CSMD1: variants seen among roughly 807,000 people sequenced by gnomAD.
CSMD1 encodes the protein CUB and sushi domain-containing protein 1.
Under a neutral mutation model 417.5 loss-of-function variants are expected in CSMD1, and 213 were observed. That is an observed-to-expected ratio of 0.51 (90% confidence interval 0.46 to 0.57). The LOEUF is 0.57. CSMD1 is among the 20% of genes least tolerant of loss of function. The pLI, the probability that CSMD1 is intolerant of heterozygous loss-of-function variation, is 0.00. For synonymous variants in CSMD1, 2,862 were observed against 1,736.8 expected (o/e 1.65, Z -16.11); for missense variants, 6,923 against 4,529.7 (o/e 1.53, Z -15.17).
intron 19 of CSMD1, among the ~76,000 whole-genome samples, chr8:3,368,518 T>C (rs13259848): frequency 0.24 from 36,066 of 152,070 alleles, 4,386 homozygotes; most frequent in African/African-American, 0.3. Flanking sequence ...TTTGTATTTT[T>C]AGTAGAGACA....
intron 57 of CSMD1, among the ~76,000 whole-genome samples, chr8:2,972,900 A>T (rs1804583813): frequency 6.6e-6 from 1 of 152,162 alleles, no homozygotes. Context: ...ACTTTCAAAC[A>T]ATAAGCATCC....
In CSMD1 at chr8:4,627,111, A is replaced by C. The variant is rs150143041; in HGVS notation, c.302+10231T>G. Among the ~76,000 whole-genome samples, 729 of 152,272 alleles carry C rather than the reference A, an allele frequency of 4.8e-3. 8 individuals are homozygous for C. The highest frequency in any genetic ancestry group is 0.017 in the African/African-American group (704 of 41,550). On this transcript the variant is annotated intron_variant, in intron 2 of 69. Transcript: ENST00000635120. ...TTCATTCCCTTTGAACTTATTCAGTAAACAACTATACATTTCAATATTTCA... is the reference window on the plus strand; with the variant it reads ...TTCATTCCCTTTGAACTTATTCAGTCAACAACTATACATTTCAATATTTCA...
At chr8:3,013,649 G>C (rs1014498032) in intron 52 of CSMD1, among the ~76,000 whole-genome samples, 1 of 151,946 alleles carries the variant, frequency 6.6e-6, no homozygotes, top group Non-Finnish European at 1.5e-5. Flanking sequence ...CTACTCAGGA[G>C]GGTGAGGCAG....
At chr8:4,545,353 C>T (rs907739463) in intron 2 of CSMD1, among the ~76,000 whole-genome samples, 4 of 152,124 alleles carry the variant, frequency 2.6e-5, no homozygotes, top group South Asian at 2.1e-4. Flanking sequence ...ATTATTCTTT[C>T]GTTTTATTCT....
intron 1 of CSMD1, among the ~76,000 whole-genome samples, chr8:4,993,752 G>T (rs1255981830): frequency 6.6e-6 from 1 of 152,222 alleles, no homozygotes; most frequent in Non-Finnish European, 1.5e-5. Flanking sequence ...ACCTTCTAGA[G>T]GCAGCTACTC....
At chr8:3,548,196 C>T (rs957178810) in intron 10 of CSMD1, among the ~76,000 whole-genome samples, 2 of 152,136 alleles carry the variant, frequency 1.3e-5, no homozygotes, top group African/African-American at 4.8e-5. Context: ...ATTCCTTTGC[C>T]TTCCTCAAGC....
At chr8:3,125,603 A>G (rs1239819515) in intron 41 of CSMD1, among the ~76,000 whole-genome samples, 1 of 152,230 alleles carries the variant, frequency 6.6e-6, no homozygotes. Context: ...CTGCATCCCC[A>G]TACTGGGCAA....
intron 30 of CSMD1, among the ~76,000 whole-genome samples, chr8:3,206,597 T>A (rs1797299637): frequency 7.1e-6 from 1 of 140,904 alleles, no homozygotes; most frequent in Admixed American, 7.2e-5. Context: ...GGGGGGCGTA[T>A]GTCTGTATGT....
intron 3 of CSMD1, among the ~76,000 whole-genome samples, chr8:4,032,352 G>C (rs979800190): frequency 1.3e-5 from 2 of 152,132 alleles, no homozygotes; most frequent in Admixed American, 6.5e-5. Context: ...ATATAGTCCT[G>C]CTTTTATTCA....
intron 5 of CSMD1, among the ~76,000 whole-genome samples, chr8:3,786,966 T>C (rs1279907791): frequency 1.3e-5 from 2 of 152,186 alleles, no homozygotes; most frequent in Non-Finnish European, 2.9e-5. Context: ...CATTCAATCC[T>C]CATCATCTAG....
chr8:3,637,436 T>C (rs1023025643), intron 7 of CSMD1, among the ~76,000 whole-genome samples: 1 of 152,222 alleles, frequency 6.6e-6, no homozygotes, highest in African/African-American at 2.4e-5. Context: ...TTTGAATCTA[T>C]TTTCTAACAT....
chr8:3,831,607 T>C lies in CSMD1; in HGVS notation c.819-77565A>G, dbSNP rs757947947. On this transcript the variant is annotated intron_variant, in intron 5 of 69. Transcript: ENST00000635120. ...ATCCCAAATGTCCTCTCTAATATTA[T>C]AGCTTTTCATTGCACTACTTATGGG... Among the ~76,000 whole-genome samples the C allele has an allele frequency of 3.3e-5, 5 of 152,212 alleles. 1 individual carries two copies. The highest frequency in any genetic ancestry group is 9.6e-5 in the African/African-American group (4 of 41,454).
rs112909415 is a variant in CSMD1 at position 4,579,268 on chromosome 8, C to CATAT, written c.302+58070_302+58073dup. ...GTTTAAACATACATACATATATATA[C>CATAT]ATATATATATGTATATATATAAAAA... is the stretch of plus-strand genomic sequence containing the variant. On this transcript the variant is annotated intron_variant, in intron 2 of 69. Coordinates refer to ENST00000635120, the MANE Select transcript of CSMD1 (RefSeq NM_033225.6). Among the ~76,000 whole-genome samples the CATAT allele has an allele frequency of 3.4e-3, 514 of 149,372 alleles. 3 individuals are homozygous for CATAT. Among genetic ancestry groups the CATAT allele is most frequent in the African/African-American group, 0.012 (488 of 39,916 alleles).
chr8:4,721,997 T>C (rs1326734226), intron 1 of CSMD1, among the ~76,000 whole-genome samples: 1 of 152,040 alleles, frequency 6.6e-6, no homozygotes, highest in Non-Finnish European at 1.5e-5. Flanking sequence ...AGAAGAACGA[T>C]GGTTATTGGA....
chr8:4,364,824 CAAAA>C (rs60925117), intron 3 of CSMD1, among the ~76,000 whole-genome samples: 4 of 84,854 alleles, frequency 4.7e-5, no homozygotes, highest in Non-Finnish European at 8.5e-5. Context: ...GACTCCTTCT[CAAAA>C]AAAAAAAAAA....
rs1377068277 is a variant in CSMD1, at chr8:3,894,996, T to C, written c.818+102907A>G. Among the ~76,000 whole-genome samples the C allele has an allele frequency of 3.9e-5, 6 of 152,182 alleles. No individual in the cohort carries two copies. In the East Asian group the frequency reaches 1.2e-3, roughly 29 times the overall value. On this transcript the variant is annotated intron_variant, in intron 5 of 69. Coordinates refer to ENST00000635120, the MANE Select transcript of CSMD1 (RefSeq NM_033225.6). ...AGTCAATCATGAATCTCCCATTTGG[T>C]ATGAAAGCAGCTTAGTGGAGGCCAT...
intron 5 of CSMD1, among the ~76,000 whole-genome samples, chr8:3,779,061 C>A (rs377405112): frequency 6.6e-6 from 1 of 151,984 alleles, no homozygotes; most frequent in Non-Finnish European, 1.5e-5. Flanking sequence ...AATTACCATT[C>A]CTGTTCTCCT....
chr8:3,565,328 G>T (rs1478976371), intron 10 of CSMD1, among the ~76,000 whole-genome samples: 1 of 148,430 alleles, frequency 6.7e-6, no homozygotes, highest in Non-Finnish European at 1.5e-5. Context: ...AAAGTGAACA[G>T]GGCAGTTGGT....
intron 2 of CSMD1, among the ~76,000 whole-genome samples, chr8:4,545,598 G>A (rs1004515507): frequency 3.3e-5 from 5 of 152,164 alleles, no homozygotes; most frequent in African/African-American, 1.2e-4. Context: ...GGCAACAGAA[G>A]CCCTGGCTAG....
Sources: gnomAD v4.1 joint callset for allele counts (sites outside exome capture counted in the v4.1 genomes callset) on GRCh38, gnomAD v4.1.1 for gene constraint, MANE v1.5 for transcripts, NCBI Gene and HGNC (gene_info 2026-07-23, HGNC 2026-07-21) for gene names.